The following EXOSC7 variants were observed in gnomAD, a reference collection of about 807,000 sequenced individuals.
EXOSC7 encodes exosome complex component RRP42.
In EXOSC7, 25 loss-of-function variants were observed where a neutral mutation model predicts 34.3. That is an observed-to-expected ratio of 0.73 (90% CI 0.53 to 1.02). The LOEUF is 1.02. EXOSC7 is among the 50% of genes least tolerant of loss of function. The pLI, the probability that EXOSC7 is intolerant of heterozygous loss-of-function variation, is 0.00. For synonymous variants in EXOSC7, 130 were observed against 143.0 expected, an observed-to-expected ratio of 0.91 and a Z score of 0.65; for missense variants, 370 against 368.5, an observed-to-expected ratio of 1.00 and a Z score of -0.03.
In EXOSC7 at chr3:45,002,338, C is replaced by A. The variant is rs544929667; in HGVS notation, c.491+730C>A. 2.0e-5 allele frequency: 3 copies of A among 152,178 alleles called. No homozygotes were observed. In the East Asian group the frequency reaches 5.8e-4, roughly 29 times the overall value. 9.4% of individuals were successfully genotyped at this position (152,178 alleles called of 1,614,324 possible). ...ATTAAAAAACGAGGATTAGAAACTT[C>A]TAGGGATATAACCTAAGGACATAAT... On this transcript the variant is annotated intron_variant, in intron 5 of 7. Coordinates refer to ENST00000265564, the MANE Select transcript of EXOSC7 (RefSeq NM_015004.4).
At chr3:45,001,753 A>G (rs1036497763) in intron 5 of EXOSC7, 145 bp downstream of exon 5, 4 of 625,824 alleles carry the variant, frequency 6.4e-6, no homozygotes, top group Non-Finnish European at 1.2e-5. Context: ...TCTAACGTTA[A>G]ACTCCAGAAA....
chr3:44,988,992 G>T (rs543662016), intron 1 of EXOSC7, 148 bp from the exon 2 acceptor site: 31 of 605,576 alleles, frequency 5.1e-5, no homozygotes, highest in African/African-American at 4.8e-4. Flanking sequence ...TAATGTTGTT[G>T]TTAGCTACAA....
chr3:44,995,880 C>CA (rs1706707834), intron 3 of EXOSC7, among the ~76,000 whole-genome samples: 2 of 152,328 alleles, frequency 1.3e-5, no homozygotes, highest in Admixed American at 1.3e-4. Context: ...TGGGCACTGC[C>CA]ATGGGCGTTC....
intron 7 of EXOSC7, among the ~76,000 whole-genome samples, chr3:45,007,786 A>C (rs1418146570): frequency 2.0e-5 from 3 of 152,162 alleles, no homozygotes; most frequent in Non-Finnish European, 4.4e-5. Context: ...TAAGGAGCCT[A>C]CCAGTAACCA....
At chr3:45,003,530 A>G (rs1007537014) in intron 5 of EXOSC7, among the ~76,000 whole-genome samples, 1 of 152,126 alleles carries the variant, frequency 6.6e-6, no homozygotes, top group African/African-American at 2.4e-5. Flanking sequence ...TGCCTTGTGT[A>G]TGGATGGCCA....
At chr3:45,010,818 G>T (rs1371830877) in intron 7 of EXOSC7, among the ~76,000 whole-genome samples, 2 of 152,198 alleles carry the variant, frequency 1.3e-5, no homozygotes, top group Non-Finnish European at 2.9e-5. Flanking sequence ...GGCATCATCT[G>T]TTTCTTCTCC....
chr3:44,983,865 T>A (rs200448271), intron 1 of EXOSC7, among the ~76,000 whole-genome samples: 2 of 150,508 alleles, frequency 1.3e-5, no homozygotes, highest in East Asian at 1.9e-4. Context: ...AAACTGGGTT[T>A]AAAAAAAAAA....
At chr3:45,006,795 A>ACCCCCCCCCCCCCCCCCCCCCCCCCC (rs1220398701) in intron 6 of EXOSC7, among the ~76,000 whole-genome samples, 1 of 124,612 alleles carries the variant, frequency 8.0e-6, no homozygotes, top group African/African-American at 3.0e-5. Context: ...CTCTGCTGCA[A>ACCCCCCCCCCCCCCCCCCCCCCCCCC]CCCCCCCACC....
At chr3:45,007,399 C>T in intron 6 of EXOSC7, 21 bp from the exon 7 acceptor site, 1 of 1,613,196 alleles carries the variant, frequency 6.2e-7, no homozygotes, top group African/African-American at 1.3e-5. Context: ...CCACCGTGTG[C>T]CACGCACCCT....
chr3:45,009,267 T>G lies in EXOSC7; in HGVS notation c.771+1692T>G, dbSNP rs189861259. Reference sequence around the variant, plus strand: ...GGGACTATAGCTCTGTGGCCCTGTCTTACTGTTTATCTCACACAGGGATGC... The same window carrying G: ...GGGACTATAGCTCTGTGGCCCTGTCGTACTGTTTATCTCACACAGGGATGC... On this transcript the variant is annotated intron_variant, in intron 7 of 7. Coordinates refer to ENST00000265564, the MANE Select transcript of EXOSC7 (RefSeq NM_015004.4). Among the ~76,000 whole-genome samples, 178 of 152,334 alleles carry G rather than the reference T, an allele frequency of 1.2e-3. 1 individual carries two copies. Among genetic ancestry groups the G allele is most frequent in the Admixed American group, 9.5e-3 (146 of 15,302 alleles).
At chr3:44,982,702 A>G (rs919569047) in intron 1 of EXOSC7, among the ~76,000 whole-genome samples, 1 of 152,240 alleles carries the variant, frequency 6.6e-6, no homozygotes, top group African/African-American at 2.4e-5. Flanking sequence ...CAGTCTGGCC[A>G]TGACAGAATT....
At chr3:44,983,859 T>G (rs1706337572) in intron 1 of EXOSC7, among the ~76,000 whole-genome samples, 1 of 119,186 alleles carries the variant, frequency 8.4e-6, no homozygotes, top group Non-Finnish European at 1.8e-5. Context: ...TAAGGAAAAC[T>G]GGGTTTAAAA....
chr3:45,000,059 T>C (rs917663798), intron 4 of EXOSC7, among the ~76,000 whole-genome samples: 4 of 152,234 alleles, frequency 2.6e-5, no homozygotes, highest in African/African-American at 9.6e-5. Flanking sequence ...TTGGTTTTTT[T>C]CCCCTCAGTT....
chr3:44,994,856 G>GGTGTGTGTGTGTGT (rs34579096), intron 3 of EXOSC7, among the ~76,000 whole-genome samples: 11 of 134,864 alleles, frequency 8.2e-5, no homozygotes, highest in African/African-American at 2.0e-4. Context: ...TGGAAGAATG[G>GGTGTGTGTGTGTGT]GTGTGTGTGT....
intron 7 of EXOSC7, among the ~76,000 whole-genome samples, chr3:45,007,812 A>G (rs1707096681): frequency 1.3e-5 from 2 of 152,194 alleles, no homozygotes; most frequent in Admixed American, 1.3e-4. Flanking sequence ...TGTCCTCAGT[A>G]AGTACCCCCC....
chr3:44,979,477 C>T (rs1706216783), intron 1 of EXOSC7, among the ~76,000 whole-genome samples: 1 of 152,180 alleles, frequency 6.6e-6, no homozygotes, highest in Admixed American at 6.5e-5. Context: ...ATTAACCTCA[C>T]GATGTGTTGA....
chr3:45,003,839 T>A (rs1213635070), intron 5 of EXOSC7, among the ~76,000 whole-genome samples: 1 of 152,248 alleles, frequency 6.6e-6, no homozygotes, highest in African/African-American at 2.4e-5. Context: ...TATCATATAC[T>A]ATGTTCTGTT....
At chr3:45,003,693 G>T (rs1388772357) in intron 5 of EXOSC7, among the ~76,000 whole-genome samples, 2 of 152,112 alleles carry the variant, frequency 1.3e-5, no homozygotes, top group Non-Finnish European at 2.9e-5. Flanking sequence ...GTGTTTTTCA[G>T]TACCCAGCTG....
At chr3:44,991,265 G>A (rs1285739827) in intron 3 of EXOSC7, among the ~76,000 whole-genome samples, 1 of 152,136 alleles carries the variant, frequency 6.6e-6, no homozygotes, top group Non-Finnish European at 1.5e-5. Context: ...CGTCTCTCCT[G>A]GTTCTGCTCA....
Sources: allele counts gnomAD v4.1 joint callset (sites outside exome capture counted in the v4.1 genomes callset), GRCh38; gene constraint gnomAD v4.1.1; transcripts MANE v1.5; gene names NCBI Gene and HGNC (gene_info 2026-07-23, HGNC 2026-07-21).